Variants in DPP10 observed in about 807,000 individuals in gnomAD.
DPP10 encodes inactive dipeptidyl peptidase 10.
A neutral mutation model predicts 120.9 loss-of-function variants in DPP10; 33 were observed. That is an observed-to-expected ratio of 0.27 (90% confidence interval 0.21 to 0.37). DPP10 has a LOEUF of 0.37. Among genes scored for constraint, DPP10 ranks in the 10% least tolerant of loss-of-function variants. The pLI, the probability that DPP10 is intolerant of heterozygous loss-of-function variation, is 1.00. For missense variants in DPP10, 816 were observed against 942.8 expected (o/e 0.87, Z 1.76); for synonymous variants, 337 against 326.1 (o/e 1.03, Z -0.36).
At chr2:114,810,942 C>T (rs939245101) in intron 1 of DPP10, among the ~76,000 whole-genome samples, 1 of 152,156 alleles carries the variant, frequency 6.6e-6, no homozygotes, top group African/African-American at 2.4e-5. Flanking sequence ...AGAAAGGGCA[C>T]CATGTTAAAA....
intron 13 of DPP10, among the ~76,000 whole-genome samples, chr2:115,771,937 A>T (rs994357116): frequency 6.6e-6 from 1 of 152,086 alleles, no homozygotes; most frequent in Non-Finnish European, 1.5e-5. Flanking sequence ...CTAGACAATT[A>T]TTGATTTCAA....
intron 3 of DPP10, among the ~76,000 whole-genome samples, chr2:115,398,919 C>T (rs2067869591): frequency 6.6e-6 from 1 of 152,108 alleles, no homozygotes; most frequent in South Asian, 2.1e-4. Context: ...AAGGAACAAG[C>T]CTGCCTCAAT....
intron 19 of DPP10, among the ~76,000 whole-genome samples, chr2:115,808,674 C>A (rs1686298661): frequency 1.3e-5 from 2 of 152,160 alleles, no homozygotes; most frequent in Admixed American, 1.3e-4. Flanking sequence ...ATCACCTGTA[C>A]CTTTTCACAG....
chr2:115,366,003 A>C (rs925495098), intron 3 of DPP10, among the ~76,000 whole-genome samples: 1 of 151,984 alleles, frequency 6.6e-6, no homozygotes, highest in Non-Finnish European at 1.5e-5. Flanking sequence ...CTGATTATAG[A>C]TTTATTTTGT....
chr2:115,219,972 G>A (rs1454746509), intron 1 of DPP10, among the ~76,000 whole-genome samples: 1 of 152,178 alleles, frequency 6.6e-6, no homozygotes, highest in Non-Finnish European at 1.5e-5. Flanking sequence ...ACTACATGCT[G>A]TGGTAGGATG....
chr2:114,535,092 C>CAA (rs5833550), intron 1 of DPP10, among the ~76,000 whole-genome samples: 74,259 of 151,114 alleles, frequency 0.49, 18,314 homozygotes, highest in East Asian at 0.68. Context: ...TTTGTTTCTA[C>CAA]AAAAAAAAAC....
At chr2:114,774,582 T>A (rs1681562919) in intron 1 of DPP10, among the ~76,000 whole-genome samples, 1 of 149,608 alleles carries the variant, frequency 6.7e-6, no homozygotes, top group Non-Finnish European at 1.5e-5. Flanking sequence ...TTTAATATAG[T>A]TTCAAAGTTG....
intron 1 of DPP10, among the ~76,000 whole-genome samples, chr2:114,819,085 G>A (rs116415643): frequency 0.011 from 1,614 of 152,120 alleles, 28 homozygotes; most frequent in African/African-American, 0.037. Flanking sequence ...CATTTCGTTA[G>A]GCGATTACAA....
At chr2:115,490,342 C>T (rs1217509429) in intron 3 of DPP10, among the ~76,000 whole-genome samples, 1 of 152,058 alleles carries the variant, frequency 6.6e-6, no homozygotes, top group African/African-American at 2.4e-5. Flanking sequence ...AACCATCAGA[C>T]CTTGTGAGAA....
At chr2:114,722,430 T>C (rs1447164132) in intron 1 of DPP10, among the ~76,000 whole-genome samples, 1 of 152,128 alleles carries the variant, frequency 6.6e-6, no homozygotes, top group African/African-American at 2.4e-5. Flanking sequence ...CTAAAGTTTT[T>C]TTTTGATTGT....
chr2:115,078,683 C>G (rs891058581), intron 1 of DPP10, among the ~76,000 whole-genome samples: 2 of 152,114 alleles, frequency 1.3e-5, no homozygotes, highest in Non-Finnish European at 2.9e-5. Flanking sequence ...CTAACCTAAT[C>G]AATTCTGAGT....
intron 3 of DPP10, among the ~76,000 whole-genome samples, chr2:115,463,386 T>C (rs1016210679): frequency 6.6e-6 from 1 of 152,190 alleles, no homozygotes; most frequent in African/African-American, 2.4e-5. Context: ...AAAATTTAAA[T>C]GTGTATAGTT....
intron 5 of DPP10, among the ~76,000 whole-genome samples, chr2:115,624,920 G>A (rs1337001801): frequency 6.6e-6 from 1 of 152,138 alleles, no homozygotes; most frequent in African/African-American, 2.4e-5. Flanking sequence ...GGAACAGTTA[G>A]ATGGGGTTAT....
intron 2 of DPP10, among the ~76,000 whole-genome samples, chr2:115,331,752 C>G (rs2062755649): frequency 6.6e-6 from 1 of 152,186 alleles, no homozygotes; most frequent in Non-Finnish European, 1.5e-5. Context: ...TTGAACCAGT[C>G]TTGCATCCTA....
At chr2:114,729,167 TTAAAA>T (rs918940238) in intron 1 of DPP10, among the ~76,000 whole-genome samples, 12 of 152,338 alleles carry the variant, frequency 7.9e-5, no homozygotes, top group Non-Finnish European at 1.2e-4. Flanking sequence ...GAAAAGAATG[TTAAAA>T]TAAATACTTG....
intron 19 of DPP10, among the ~76,000 whole-genome samples, chr2:115,802,643 T>C (rs150183780): frequency 0.018 from 2,702 of 152,188 alleles, 78 homozygotes; most frequent in African/African-American, 0.06. Context: ...TTTGTTCTCA[T>C]TGGTTTCAAG....
chr2:115,194,180 G>C (rs530115982), intron 1 of DPP10, among the ~76,000 whole-genome samples: 2 of 151,138 alleles, frequency 1.3e-5, no homozygotes, highest in Non-Finnish European at 2.9e-5. Context: ...TGCTGCTACC[G>C]ATTGAATGCA....
In DPP10 at chr2:114,718,907, T is replaced by G. The variant is rs117792769; in HGVS notation, c.60+276069T>G. 9.8e-5 allele frequency among the ~76,000 whole-genome samples: 15 copies of G among 152,288 alleles called. No individual in the cohort carries two copies. The East Asian group carries it at 2.9e-3, about 29-fold the overall frequency. On this transcript the variant is annotated intron_variant, in intron 1 of 25. Coordinates refer to ENST00000410059, the MANE Select transcript of DPP10 (RefSeq NM_020868.6). ...ATTTTGTGACAATAATCATCAGCATTGGTAGTGACACACATTCTCAAATGT... is the reference window on the plus strand; with the variant it reads ...ATTTTGTGACAATAATCATCAGCATGGGTAGTGACACACATTCTCAAATGT...
At chr2:114,505,225 A>G (rs1683543998) in intron 1 of DPP10, among the ~76,000 whole-genome samples, 4 of 150,066 alleles carry the variant, frequency 2.7e-5, no homozygotes, top group Admixed American at 6.6e-5. Flanking sequence ...TACCTTTTAG[A>G]CAAAGAAAGG....
Sources: gnomAD v4.1 joint callset for allele counts (sites outside exome capture counted in the v4.1 genomes callset) on GRCh38, gnomAD v4.1.1 for gene constraint, MANE v1.5 for transcripts, NCBI Gene and HGNC (gene_info 2026-07-23, HGNC 2026-07-21) for gene names.